EPHB2: variants seen among roughly 807,000 people sequenced by gnomAD.
The protein encoded by EPHB2 is EPH receptor B2.
Under a neutral mutation model 96.4 loss-of-function variants are expected in EPHB2, and 18 were observed. That is an observed-to-expected ratio of 0.19 (90% CI 0.13 to 0.28). The LOEUF (loss-of-function observed/expected upper bound fraction) is 0.28, where lower values mean the gene tolerates loss of function less well. Among genes scored for constraint, EPHB2 ranks in the 10% least tolerant of loss-of-function variants. The probability of loss-of-function intolerance (pLI) is 1.00; values close to 1 mark genes in which losing one functional copy is unlikely to be tolerated. For synonymous variants in EPHB2, 506 were observed against 534.1 expected (o/e 0.95, Z 0.72); for missense variants, 989 against 1,355.4 (o/e 0.73, Z 4.25).
intron 1 of EPHB2, among the ~76,000 whole-genome samples, chr1:22,723,686 G>A (rs994796435): frequency 1.4e-4 from 22 of 152,242 alleles, no homozygotes; most frequent in African/African-American, 4.8e-4. Context: ...ACTCACTGGC[G>A]GTGTCAGGGG....
At chr1:22,782,027 C>G (rs554770330) in intron 2 of EPHB2, among the ~76,000 whole-genome samples, 1 of 152,174 alleles carries the variant, frequency 6.6e-6, no homozygotes, top group African/African-American at 2.4e-5. Flanking sequence ...ACAAAGCTCC[C>G]CCTCCTTTGG....
chr1:22,887,448 C>T (rs1639262068), intron 6 of EPHB2, among the ~76,000 whole-genome samples: 1 of 152,174 alleles, frequency 6.6e-6, no homozygotes, highest in Non-Finnish European at 1.5e-5. Flanking sequence ...GTGTGGCCCC[C>T]ACCTCCACCT....
intron 3 of EPHB2, among the ~76,000 whole-genome samples, chr1:22,810,173 C>A (rs535815390): frequency 2.0e-5 from 3 of 152,200 alleles, no homozygotes; most frequent in South Asian, 4.2e-4. Context: ...AGCTCTTGTG[C>A]GGGAGACCTG....
chr1:22,818,543 A>C (rs889799038), intron 3 of EPHB2, among the ~76,000 whole-genome samples: 18 of 152,116 alleles, frequency 1.2e-4, no homozygotes, highest in African/African-American at 4.1e-4. Context: ...TGTCCTGATT[A>C]CACACAGGAT....
chr1:22,899,457 T>C (rs1160971577), intron 9 of EPHB2, among the ~76,000 whole-genome samples: 1 of 151,830 alleles, frequency 6.6e-6, no homozygotes, highest in African/African-American at 2.4e-5. Context: ...GCCGAGATCA[T>C]GCCATTGCAC....
At chr1:22,901,847 A>G (rs1570459816) in intron 9 of EPHB2, among the ~76,000 whole-genome samples, 2 of 63,472 alleles carry the variant, frequency 3.2e-5, no homozygotes, top group South Asian at 4.3e-4. Context: ...GTGTGTGTGT[A>G]ACAGGGTCTC....
rs903716162 is a variant in EPHB2, at chr1:22,799,845, C to T, written c.811+14769C>T. 1.2e-4 allele frequency among the ~76,000 whole-genome samples: 18 copies of T among 152,208 alleles called. 1 individual carries two copies. The highest frequency in any genetic ancestry group is 3.8e-4 in the East Asian group (2 of 5,200). ...TGGCAGCCTTAGAGAGAAAAGATTCCGCCCTGGGGTCTTTGCAGGCCTGAC... is the reference window on the plus strand; with the variant it reads ...TGGCAGCCTTAGAGAGAAAAGATTCTGCCCTGGGGTCTTTGCAGGCCTGAC... On this transcript the variant is annotated intron_variant, in intron 3 of 15. Transcript: ENST00000374630.
At chr1:22,778,088 C>T (rs1644477810) in intron 1 of EPHB2, among the ~76,000 whole-genome samples, 1 of 152,168 alleles carries the variant, frequency 6.6e-6, no homozygotes, top group Non-Finnish European at 1.5e-5. Context: ...TGCAATGGTG[C>T]AATCTCAGCT....
At chr1:22,873,656 C>T (rs1003673353) in intron 5 of EPHB2, among the ~76,000 whole-genome samples, 1 of 148,656 alleles carries the variant, frequency 6.7e-6, no homozygotes, top group East Asian at 2.0e-4. Context: ...GATAGGAGTA[C>T]AGCAACTCCG....
chr1:22,845,434 A>G (rs1645528048), intron 3 of EPHB2, among the ~76,000 whole-genome samples: 1 of 152,138 alleles, frequency 6.6e-6, no homozygotes, highest in African/African-American at 2.4e-5. Flanking sequence ...ATAAGCTAGG[A>G]AGTTGTGGTC....
intron 1 of EPHB2, among the ~76,000 whole-genome samples, chr1:22,771,026 A>G (rs1198820510): frequency 6.6e-6 from 1 of 152,178 alleles, no homozygotes; most frequent in Non-Finnish European, 1.5e-5. Context: ...AGCCATCTTG[A>G]TACCAGCGAC....
At chr1:22,894,954 T>G (rs1408694001) in intron 7 of EPHB2, among the ~76,000 whole-genome samples, 1 of 152,174 alleles carries the variant, frequency 6.6e-6, no homozygotes, top group Non-Finnish European at 1.5e-5. Context: ...GTGCCAGGTG[T>G]TGTTCTAAGT....
rs1474049858 is a variant in EPHB2, at chr1:22,865,018, G to T, written c.1109G>T (p.Gly370Val). ...TGCAAGAGCTGTGGCTCGGGCCGGG[G>T]TGCCTGCACCCGCTGCGGGGACAAT... ...IICKSCGSGR[G>V]ACTRCGDNVQ... The change falls in exon 5 of 16, where the codon GGT (glycine) becomes GTT (valine). Residue 370 changes from glycine to valine, a missense_variant. Coordinates refer to ENST00000374630, the MANE Select transcript of EPHB2 (RefSeq NM_017449.5). 6.2e-7 allele frequency: 1 copy of T among 1,612,334 alleles called. No homozygotes were observed. The highest frequency in any genetic ancestry group is 8.5e-7 in the Non-Finnish European group (1 of 1,178,692).
chr1:22,736,184 C>T (rs989522047), intron 1 of EPHB2, among the ~76,000 whole-genome samples: 8 of 152,116 alleles, frequency 5.3e-5, no homozygotes, highest in Non-Finnish European at 1.0e-4. Flanking sequence ...GAGAGCTCAT[C>T]GTACACACGG....
chr1:22,872,968 G>A (rs185368475), intron 5 of EPHB2, among the ~76,000 whole-genome samples: 19 of 152,320 alleles, frequency 1.2e-4, no homozygotes, highest in East Asian at 9.6e-4. Flanking sequence ...AGCCCTCTCC[G>A]CGCATCTTCC....
intron 9 of EPHB2, among the ~76,000 whole-genome samples, chr1:22,902,100 A>G (rs1358265348): frequency 6.6e-6 from 1 of 152,216 alleles, no homozygotes; most frequent in Non-Finnish European, 1.5e-5. Context: ...GGCTGGGATT[A>G]TGGGCTTGAG....
At chr1:22,753,025 C>T (rs1644088912) in intron 1 of EPHB2, among the ~76,000 whole-genome samples, 1 of 152,010 alleles carries the variant, frequency 6.6e-6, no homozygotes, top group Non-Finnish European at 1.5e-5. Flanking sequence ...AAGTGATCCT[C>T]CTGTCTTGGC....
intron 9 of EPHB2, among the ~76,000 whole-genome samples, chr1:22,905,386 C>T (rs902891841): frequency 8.5e-5 from 13 of 152,086 alleles, no homozygotes; most frequent in Admixed American, 8.5e-4. Flanking sequence ...CAGCTGTGGA[C>T]ACTCAGTCCC....
intron 12 of EPHB2, among the ~76,000 whole-genome samples, chr1:22,908,438 A>G (rs1639986640): frequency 6.6e-6 from 1 of 152,224 alleles, no homozygotes; most frequent in African/African-American, 2.4e-5. Context: ...AGAGGTTGAT[A>G]TCTGAGCTGA....
Sources: allele counts gnomAD v4.1 joint callset (sites outside exome capture counted in the v4.1 genomes callset), GRCh38; gene constraint gnomAD v4.1.1; transcripts MANE v1.5; gene names NCBI Gene and HGNC (gene_info 2026-07-23, HGNC 2026-07-21).